COP1: variants seen among roughly 807,000 people sequenced by gnomAD.
COP1 encodes COP1 E3 ubiquitin ligase, also known as E3 ubiquitin-protein ligase COP1.
A neutral mutation model predicts 101.3 loss-of-function variants in COP1; 24 were observed. That is an observed-to-expected ratio of 0.24 (90% CI 0.17 to 0.33). The LOEUF (loss-of-function observed/expected upper bound fraction) is 0.33. Ranked by LOEUF, COP1 falls within the 10% of genes least tolerant of loss-of-function variation. The pLI, the probability that COP1 is intolerant of heterozygous loss-of-function variation, is 1.00. For missense variants in COP1, 663 were observed against 906.2 expected (o/e 0.73, Z 3.45); for synonymous variants, 347 against 341.9 (o/e 1.01, Z -0.17).
intron 6 of COP1, among the ~76,000 whole-genome samples, chr1:176,138,513 C>A (rs1484496328): frequency 6.6e-6 from 1 of 152,064 alleles, no homozygotes; most frequent in Non-Finnish European, 1.5e-5. Flanking sequence ...TTAACTGAAA[C>A]CCTGCTCACT....
chr1:176,022,961 G>A (rs950253495), intron 15 of COP1, among the ~76,000 whole-genome samples: 2 of 152,186 alleles, frequency 1.3e-5, no homozygotes, highest in African/African-American at 4.8e-5. Flanking sequence ...TGCTTTGAAT[G>A]TTTCTGTTAC....
rs142067088 is a variant in COP1, at chr1:176,055,266, T to C, written c.1278-8942A>G. Among the ~76,000 whole-genome samples, 58 of 152,262 alleles carry C rather than the reference T, an allele frequency of 3.8e-4. No homozygotes were observed. In the East Asian group the frequency reaches 9.5e-3, roughly 25 times the overall value. ...CTGGCCAACACGATGAAATCCAGCC[T>C]CTACCAAAAATACAAAAAATTAGCT... On this transcript the variant is annotated intron_variant, in intron 11 of 19. Transcript: ENST00000367669.
At chr1:176,115,367 T>C (rs1482485099) in intron 9 of COP1, among the ~76,000 whole-genome samples, 1 of 152,084 alleles carries the variant, frequency 6.6e-6, no homozygotes, top group Admixed American at 6.5e-5. Flanking sequence ...GGAGAATCGC[T>C]TGAACCCAGA....
rs146743776 is a variant in COP1 at position 175,980,398 on chromosome 1, T to C, written c.2133+6545A>G. Among the ~76,000 whole-genome samples the C allele has an allele frequency of 3.9e-5, 5 of 129,362 alleles. No individual in the cohort carries two copies. In the East Asian group the frequency reaches 9.8e-4, roughly 25 times the overall value. The allele number at this position is 129,362 out of a possible 152,430, so 84.9% of individuals were successfully genotyped here. On this transcript the variant is annotated intron_variant, in intron 18 of 19. Transcript: ENST00000367669. ...CACAGTTTAGTTCAATGTTTCAGAATAGTATTTCATCATATAACAAAAAAG... is the reference window on the plus strand; with the variant it reads ...CACAGTTTAGTTCAATGTTTCAGAACAGTATTTCATCATATAACAAAAAAG...
chr1:176,091,695 G>C (rs1005519828), intron 9 of COP1, among the ~76,000 whole-genome samples: 7 of 151,822 alleles, frequency 4.6e-5, no homozygotes, highest in African/African-American at 1.7e-4. Context: ...TGATAGAACA[G>C]GTAACAATCG....
chr1:175,992,398 G>C (rs944548864), intron 15 of COP1, among the ~76,000 whole-genome samples: 1 of 152,182 alleles, frequency 6.6e-6, no homozygotes, highest in African/African-American at 2.4e-5. Flanking sequence ...GTGGGTGCAG[G>C]AGAGTGGGTG....
chr1:176,068,917 A>C (rs1676487134), intron 11 of COP1, among the ~76,000 whole-genome samples: 1 of 152,328 alleles, frequency 6.6e-6, no homozygotes, highest in Admixed American at 6.5e-5. Context: ...TTCTGCAAGG[A>C]ATTACAAAAC....
intron 15 of COP1, among the ~76,000 whole-genome samples, chr1:176,006,227 T>C (rs1346267423): frequency 6.6e-6 from 1 of 152,162 alleles, no homozygotes; most frequent in African/African-American, 2.4e-5. Flanking sequence ...CCTTTTATTT[T>C]GAGCCTATGT....
Position 176,046,259 on chromosome 1 carries a change from T to C in COP1, c.1343A>G (p.Tyr448Cys). ...IAGVTKKIKVYEYDTVIQDAV... is the reference protein window; with the variant it reads ...IAGVTKKIKVCEYDTVIQDAV... ...ATCCTGGATGACAGTGTCATATTCA[T>C]AGACTTTAATCTTCTTTGTAACTCC... Residue 448 changes from tyrosine (Y) to cysteine (C), a missense_variant, in exon 12 of 20, where the codon TAT becomes TGT. This residue lies in a region of COP1 where 209 missense variants were observed against 383.3 expected (regional missense o/e 0.55). Transcript: ENST00000367669. The C allele has an allele frequency of 1.9e-6, 3 of 1,611,010 alleles. No individual in the cohort carries two copies. Among genetic ancestry groups the C allele is most frequent in the Non-Finnish European group, 2.5e-6 (3 of 1,178,738 alleles).
chr1:176,174,249 T>TTTG (rs1363435654), intron 3 of COP1, among the ~76,000 whole-genome samples: 3 of 152,100 alleles, frequency 2.0e-5, no homozygotes, highest in Non-Finnish European at 4.4e-5. Flanking sequence ...AAGTTATGAC[T>TTTG]ACAGAAAAAG....
At chr1:176,168,743 T>G in intron 3 of COP1, 2 of 331,964 alleles carry the variant, frequency 6.0e-6, no homozygotes, top group Non-Finnish European at 1.2e-5. Flanking sequence ...AGACAGAGTA[T>G]GCACACTGGA....
intron 9 of COP1, among the ~76,000 whole-genome samples, chr1:176,107,816 A>G (rs1370659402): frequency 6.6e-6 from 1 of 152,214 alleles, no homozygotes; most frequent in Non-Finnish European, 1.5e-5. Flanking sequence ...AAGGAGGACA[A>G]AATAGGACTA....
chr1:176,129,645 A>AATTT (rs1688592956), intron 8 of COP1, among the ~76,000 whole-genome samples: 1 of 151,864 alleles, frequency 6.6e-6, no homozygotes, highest in Non-Finnish European at 1.5e-5. Context: ...ACCCAGCTGA[A>AATTT]GGAGATAGAG....
chr1:176,037,118 A>C, intron 14 of COP1, among the ~76,000 whole-genome samples: 1 of 152,180 alleles, frequency 6.6e-6, no homozygotes, highest in East Asian at 1.9e-4. Context: ...GAACAAAAGA[A>C]TAGGCCAGGC....
intron 15 of COP1, among the ~76,000 whole-genome samples, chr1:176,016,745 A>C (rs1665725590): frequency 6.6e-6 from 1 of 152,142 alleles, no homozygotes; most frequent in Non-Finnish European, 1.5e-5. Flanking sequence ...TTTTTAAAAA[A>C]AAAAATTACA....
intron 18 of COP1, among the ~76,000 whole-genome samples, chr1:175,948,081 A>G (rs887018051): frequency 2.0e-5 from 3 of 152,250 alleles, no homozygotes; most frequent in Non-Finnish European, 4.4e-5. Flanking sequence ...ATCATTCAGC[A>G]CATGCATTTT....
At chr1:176,099,317 A>C (rs1682962215) in intron 9 of COP1, among the ~76,000 whole-genome samples, 1 of 152,266 alleles carries the variant, frequency 6.6e-6, no homozygotes, top group East Asian at 1.9e-4. Flanking sequence ...GATGAATATC[A>C]AGCAAAATAA....
chr1:176,043,103 T>C, intron 14 of COP1, 83 bp downstream of exon 14: 1 of 801,962 alleles, frequency 1.2e-6, no homozygotes, highest in Middle Eastern at 2.3e-4. Context: ...TTTGAGTAAA[T>C]ATTTGTATTT....
At chr1:176,081,615 T>G (rs1024237906) in intron 10 of COP1, among the ~76,000 whole-genome samples, 12 of 151,966 alleles carry the variant, frequency 7.9e-5, no homozygotes, top group Non-Finnish European at 5.9e-5. Flanking sequence ...ATGGAGAATG[T>G]GAGGATATTA....
Sources: gnomAD v4.1 joint callset for allele counts (sites outside exome capture counted in the v4.1 genomes callset) on GRCh38, gnomAD v4.1.1 for gene constraint, gnomAD v4.1.1 regional missense constraint, MANE v1.5 for transcripts, NCBI Gene and HGNC (gene_info 2026-07-23, HGNC 2026-07-21) for gene names.